Variants in DPP6 observed in about 807,000 individuals in gnomAD.
DPP6 encodes A-type potassium channel modulatory protein DPP6.
In DPP6, 69 loss-of-function variants were observed where a neutral mutation model predicts 122.6. That is an observed-to-expected ratio of 0.56 (90% CI 0.46 to 0.69). The LOEUF (loss-of-function observed/expected upper bound fraction) is 0.69. DPP6 is among the 30% of genes least tolerant of loss of function. The pLI is 0.00. For synonymous variants in DPP6, 418 were observed against 433.1 expected (o/e 0.97, Z 0.43); for missense variants, 928 against 1,116.9 (o/e 0.83, Z 2.41).
At chr7:154,367,042 C>A (rs532218840) in intron 1 of DPP6, among the ~76,000 whole-genome samples, 1 of 152,286 alleles carries the variant, frequency 6.6e-6, no homozygotes, top group South Asian at 2.1e-4. Context: ...AGAGATGGCT[C>A]TCTTCCTTTC....
intron 1 of DPP6, among the ~76,000 whole-genome samples, chr7:154,167,926 A>G (rs1451487947): frequency 6.6e-6 from 1 of 152,182 alleles, no homozygotes; most frequent in African/African-American, 2.4e-5. Flanking sequence ...TCCAGGACAG[A>G]CTGGCCTGTC....
At chr7:153,873,358 C>T in the DPP6 span, among the ~76,000 whole-genome samples, 2 of 152,182 alleles carry the variant, frequency 1.3e-5, no homozygotes, top group Non-Finnish European at 2.9e-5. Context: ...CAAAAGATAG[C>T]AATGTCTCTG....
At chr7:153,864,510 G>T in the DPP6 span, among the ~76,000 whole-genome samples, 1 of 151,990 alleles carries the variant, frequency 6.6e-6, no homozygotes, top group Non-Finnish European at 1.5e-5. Context: ...CCAAAAATTA[G>T]CTGGGCATGG....
intron 16 of DPP6, among the ~76,000 whole-genome samples, chr7:154,823,008 A>G (rs1214947823): frequency 6.6e-6 from 1 of 152,184 alleles, no homozygotes; most frequent in Non-Finnish European, 1.5e-5. Context: ...CTACCATACT[A>G]TACTTTGGGG....
chr7:154,651,024 T>C (rs1410095240), intron 6 of DPP6, among the ~76,000 whole-genome samples: 1 of 152,192 alleles, frequency 6.6e-6, no homozygotes, highest in South Asian at 2.1e-4. Flanking sequence ...TACATTTCTA[T>C]TGGTTTTTTG....
chr7:154,375,824 C>T (rs976261460), intron 1 of DPP6, among the ~76,000 whole-genome samples: 1 of 152,220 alleles, frequency 6.6e-6, no homozygotes, highest in African/African-American at 2.4e-5. Context: ...CTGGTGACCT[C>T]TCAAGACCTT....
intron 1 of DPP6, among the ~76,000 whole-genome samples, chr7:154,314,113 G>C (rs1019766136): frequency 6.6e-6 from 1 of 152,106 alleles, no homozygotes; most frequent in Admixed American, 6.5e-5. Context: ...CTAACTTACG[G>C]GGGAGTTGGG....
chr7:153,915,614 C>T (rs961620100), intron 1 of DPP6, among the ~76,000 whole-genome samples: 12 of 152,164 alleles, frequency 7.9e-5, no homozygotes, highest in African/African-American at 2.9e-4. Flanking sequence ...CAGTCACTCC[C>T]ATGTGAAGTG....
chr7:153,897,144 T>C (rs62487371), intron 1 of DPP6, among the ~76,000 whole-genome samples: 8 of 152,222 alleles, frequency 5.3e-5, no homozygotes, highest in Non-Finnish European at 1.0e-4. Flanking sequence ...AGATATTAGT[T>C]CTTTTTTTAT....
At position 154,772,891 on chromosome 7, in the gene DPP6, A is replaced by G. The variant is rs762012207; in HGVS notation, c.1085A>G (p.Asn362Ser). The G allele has an allele frequency of 3.1e-6, 5 of 1,613,174 alleles. No individual in the cohort carries two copies. Among genetic ancestry groups the G allele is most frequent in the South Asian group, 1.1e-5 (1 of 90,930 alleles). ...ATTTCCCTACACGTTATTGGCTTAA[A>G]TGGACCCACCCATGATCTGGAGATG... ...PSISLHVIGL[N>S]GPTHDLEMMP... The change falls in exon 10 of 26, where the codon AAT (asparagine) becomes AGT (serine). Residue 362 changes from asparagine (N) to serine (S), a missense_variant. Transcript: ENST00000377770.
At chr7:154,622,099 C>G (rs1834724964) in intron 5 of DPP6, among the ~76,000 whole-genome samples, 1 of 152,158 alleles carries the variant, frequency 6.6e-6, no homozygotes, top group South Asian at 2.1e-4. Context: ...TATTACTCTG[C>G]CAGGCAGTAG....
In DPP6 at chr7:154,876,326, T is replaced by C. The variant is rs1584956730; in HGVS notation, c.2078+226T>C. 9.2e-6 allele frequency: 7 copies of C among 761,858 alleles called. No individual in the cohort carries two copies. In the South Asian group the frequency reaches 3.7e-4, roughly 40 times the overall value. 47.2% of individuals were successfully genotyped at this position (761,858 alleles called of 1,614,324 possible). ...AGTTTTCCCACTGCAGGGTAGATTG[T>C]TGAGTTGACTAAAACAAGGGGATAG... On this transcript the variant is annotated intron_variant, in intron 20 of 25. Coordinates refer to ENST00000377770, the MANE Select transcript of DPP6 (RefSeq NM_130797.4).
At chr7:154,884,238 CAT>C (rs1321309067) in intron 21 of DPP6, 18 of 136,054 alleles carry the variant, frequency 1.3e-4, no homozygotes, top group African/African-American at 3.4e-4. Flanking sequence ...CACACACACA[CAT>C]GCTCACAAAT....
chr7:154,075,013 A>G (rs1445527518), intron 1 of DPP6, among the ~76,000 whole-genome samples: 1 of 151,772 alleles, frequency 6.6e-6, no homozygotes, highest in Non-Finnish European at 1.5e-5. Context: ...AGAAAATTTT[A>G]AAAAGAAGGT....
intron 1 of DPP6, among the ~76,000 whole-genome samples, chr7:154,074,275 T>C (rs535732820): frequency 3.1e-3 from 478 of 152,164 alleles, no homozygotes; most frequent in African/African-American, 0.011. Flanking sequence ...ATGTGATCTG[T>C]ACTGTGTGAG....
intron 1 of DPP6, among the ~76,000 whole-genome samples, chr7:154,398,248 G>A (rs1024026008): frequency 6.6e-6 from 1 of 152,226 alleles, no homozygotes; most frequent in East Asian, 1.9e-4. Context: ...TCATTTTTAA[G>A]CCCATCCCTA....
the DPP6 span, among the ~76,000 whole-genome samples, chr7:153,803,771 A>G: frequency 1.3e-5 from 2 of 151,522 alleles, no homozygotes; most frequent in African/African-American, 4.8e-5. Flanking sequence ...AAACTTACAT[A>G]TATGGAGATA....
At chr7:154,729,723 T>C (rs1230789558) in intron 8 of DPP6, among the ~76,000 whole-genome samples, 4 of 152,206 alleles carry the variant, frequency 2.6e-5, no homozygotes, top group Non-Finnish European at 5.9e-5. Context: ...TGTCCTTCCC[T>C]GTGTGGTCAC....
chr7:153,874,653 G>A, the DPP6 span, among the ~76,000 whole-genome samples: 1 of 152,212 alleles, frequency 6.6e-6, no homozygotes, highest in Non-Finnish European at 1.5e-5. Context: ...TGGGATTACA[G>A]GTGTGAGCCA....
Sources: gnomAD v4.1 joint callset for allele counts (sites outside exome capture counted in the v4.1 genomes callset) on GRCh38, gnomAD v4.1.1 for gene constraint, MANE v1.5 for transcripts, NCBI Gene and HGNC (gene_info 2026-07-23, HGNC 2026-07-21) for gene names.